PKHD1: variants seen among roughly 807,000 people sequenced by gnomAD.
The protein encoded by PKHD1 is PKHD1 ciliary IPT domain containing fibrocystin/polyductin.
In PKHD1, 291 loss-of-function variants were observed where a neutral mutation model predicts 412.0. The ratio of observed to expected loss-of-function variants is 0.71; its 90% confidence interval spans 0.64 to 0.78. The LOEUF is 0.78. PKHD1 is among the 30% of genes least tolerant of loss of function. The pLI, the probability that PKHD1 is intolerant of heterozygous loss-of-function variation, is 0.00. For synonymous variants in PKHD1, 1,777 were observed against 1,821.5 expected (o/e 0.98, Z 0.62); for missense variants, 4,825 against 4,950.7 (o/e 0.97, Z 0.76).
intron 65 of PKHD1, among the ~76,000 whole-genome samples, chr6:51,628,024 C>T (rs943606692): frequency 4.6e-5 from 7 of 152,100 alleles, no homozygotes; most frequent in African/African-American, 1.7e-4. Context: ...AATGCCATAA[C>T]ATGGCATGAA....
chr6:51,800,989 A>G (rs774714235), intron 52 of PKHD1, among the ~76,000 whole-genome samples: 2 of 152,092 alleles, frequency 1.3e-5, no homozygotes, highest in Non-Finnish European at 2.9e-5. Flanking sequence ...TGTGTTTTCT[A>G]TTAAATATGT....
intron 46 of PKHD1, among the ~76,000 whole-genome samples, chr6:51,877,054 G>C (rs1215035510): frequency 2.6e-5 from 1 of 38,536 alleles, no homozygotes; most frequent in Non-Finnish European, 4.0e-5. Context: ...AATTCAACAA[G>C]AGGAGCTAAC....
chr6:51,806,384 T>C (rs1265218618), intron 52 of PKHD1, among the ~76,000 whole-genome samples: 2 of 151,756 alleles, frequency 1.3e-5, no homozygotes, highest in East Asian at 3.9e-4. Context: ...CAATTGAGAG[T>C]GGAAGATGGT....
At chr6:51,786,161 G>A (rs777066858) in intron 53 of PKHD1, among the ~76,000 whole-genome samples, 20 of 152,122 alleles carry the variant, frequency 1.3e-4, no homozygotes, top group Admixed American at 2.6e-4. Context: ...GGATGGAAAG[G>A]GCACTCATTC....
chr6:51,787,356 T>C (rs1367275733), intron 53 of PKHD1, among the ~76,000 whole-genome samples: 2 of 75,378 alleles, frequency 2.7e-5, no homozygotes, highest in Non-Finnish European at 3.0e-5. Flanking sequence ...CAAAACTCCA[T>C]CTCAAGAAAA....
intron 55 of PKHD1, among the ~76,000 whole-genome samples, chr6:51,759,911 C>A (rs1392287667): frequency 6.6e-6 from 1 of 152,012 alleles, no homozygotes; most frequent in Non-Finnish European, 1.5e-5. Flanking sequence ...CTTTTCATTG[C>A]AGAATATATT....
intron 23 of PKHD1, among the ~76,000 whole-genome samples, chr6:52,046,795 T>A (rs1490626616): frequency 6.6e-6 from 1 of 152,226 alleles, no homozygotes; most frequent in East Asian, 1.9e-4. Context: ...AGTTCCCATT[T>A]CATTAGCTGC....
intron 53 of PKHD1, among the ~76,000 whole-genome samples, chr6:51,784,687 T>C (rs1176894029): frequency 6.6e-6 from 1 of 152,172 alleles, no homozygotes; most frequent in African/African-American, 2.4e-5. Context: ...CCCATGAAAC[T>C]CATGACGTTC....
rs1807583864 is a variant in PKHD1, at chr6:52,055,580, T to C, written c.1836+7A>G. The C allele has an allele frequency of 6.2e-7, 1 of 1,613,974 alleles. No homozygotes were observed. Among genetic ancestry groups the C allele is most frequent in the African/African-American group, 1.3e-5 (1 of 75,030 alleles). On this transcript the variant is annotated splice_region_variant and intron_variant, in intron 19 of 66. Transcript: ENST00000371117. ...CCTGACCCAGAAGCACAAAGACTGCTACTCACGTGTGTATACTGATCTAGC... is the reference window on the plus strand; with the variant it reads ...CCTGACCCAGAAGCACAAAGACTGCCACTCACGTGTGTATACTGATCTAGC...
chr6:51,913,687 G>A (rs1023584736), intron 37 of PKHD1, among the ~76,000 whole-genome samples: 2 of 152,188 alleles, frequency 1.3e-5, no homozygotes, highest in Admixed American at 6.5e-5. Context: ...AGAGGTGGCC[G>A]ACAATAAATC....
At chr6:51,680,116 T>A (rs1020138322) in intron 60 of PKHD1, among the ~76,000 whole-genome samples, 2 of 151,990 alleles carry the variant, frequency 1.3e-5, no homozygotes, top group African/African-American at 4.8e-5. Flanking sequence ...CAGAACAGTA[T>A]CTAAAGCATA....
At chr6:51,669,475 T>C (rs1439262238) in intron 60 of PKHD1, among the ~76,000 whole-genome samples, 1 of 151,156 alleles carries the variant, frequency 6.6e-6, no homozygotes, top group Non-Finnish European at 1.5e-5. Flanking sequence ...CTATCTATTT[T>C]GTTGATCCTT....
intron 55 of PKHD1, among the ~76,000 whole-genome samples, chr6:51,763,895 C>T (rs559792430): frequency 1.1e-3 from 165 of 152,048 alleles, no homozygotes; most frequent in Non-Finnish European, 1.5e-3. Flanking sequence ...CCATACTACC[C>T]CCTTAAAAAC....
intron 27 of PKHD1, among the ~76,000 whole-genome samples, chr6:52,039,824 T>C (rs1324501262): frequency 2.0e-5 from 3 of 152,194 alleles, no homozygotes; most frequent in African/African-American, 7.2e-5. Context: ...AGCAGCCTTA[T>C]TCATAATAAT....
At chr6:51,944,267 C>T (rs916787333) in intron 36 of PKHD1, among the ~76,000 whole-genome samples, 4 of 152,128 alleles carry the variant, frequency 2.6e-5, no homozygotes, top group South Asian at 4.2e-4. Context: ...GAACAACCCC[C>T]CTTTTTCCTT....
At chr6:51,938,011 T>C (rs1272919) in intron 36 of PKHD1, among the ~76,000 whole-genome samples, 106,692 of 152,160 alleles carry the variant, frequency 0.7, 37,904 homozygotes, top group East Asian at 0.94. Flanking sequence ...AAGCTAACTA[T>C]GGGAGGAATT....
At chr6:51,680,056 G>A (rs1776427070) in intron 60 of PKHD1, among the ~76,000 whole-genome samples, 1 of 151,900 alleles carries the variant, frequency 6.6e-6, no homozygotes, top group South Asian at 2.1e-4. Context: ...TAATGCTACG[G>A]TATCAAGCTC....
intron 6 of PKHD1, among the ~76,000 whole-genome samples, chr6:52,074,687 G>A (rs1811103042): frequency 6.6e-6 from 1 of 152,200 alleles, no homozygotes; most frequent in Non-Finnish European, 1.5e-5. Context: ...ATGTCGTAGT[G>A]AAGGACTGCT....
At chr6:51,906,995 A>G (rs1782198163) in intron 40 of PKHD1, among the ~76,000 whole-genome samples, 3 of 152,158 alleles carry the variant, frequency 2.0e-5, no homozygotes. Context: ...GGCCTAGATG[A>G]GTCAATGAAT....
Sources: gnomAD v4.1 joint callset for allele counts (sites outside exome capture counted in the v4.1 genomes callset) on GRCh38, gnomAD v4.1.1 for gene constraint, MANE v1.5 for transcripts, NCBI Gene and HGNC (gene_info 2026-07-23, HGNC 2026-07-21) for gene names.